SUGCT: variants seen among roughly 807,000 people sequenced by gnomAD.
SUGCT encodes the protein succinyl-CoA:glutarate CoA-transferase.
SUGCT carries 41 observed loss-of-function variants against 55.0 expected under a neutral mutation model. The ratio of observed to expected loss-of-function variants is 0.74; its 90% confidence interval spans 0.58 to 0.97. SUGCT has a LOEUF of 0.97. Ranked by LOEUF, SUGCT falls within the 50% of genes least tolerant of loss-of-function variation. The pLI is 0.00. For missense variants in SUGCT, 568 were observed against 547.8 expected, an observed-to-expected ratio of 1.04 and a Z score of -0.37; for synonymous variants, 187 against 200.4, an observed-to-expected ratio of 0.93 and a Z score of 0.56.
intron 7 of SUGCT, among the ~76,000 whole-genome samples, chr7:40,271,313 A>G (rs867223644): frequency 1.3e-5 from 2 of 152,228 alleles, no homozygotes; most frequent in African/African-American, 4.8e-5. Context: ...TGTAAAATAT[A>G]TAGGCGGGGG....
At chr7:40,984,462 G>C in the SUGCT span, among the ~76,000 whole-genome samples, 4 of 152,238 alleles carry the variant, frequency 2.6e-5, no homozygotes, top group East Asian at 7.7e-4. Context: ...AAGCCAGACT[G>C]ATCTGCCCCC....
chr7:41,034,310 G>A, the SUGCT span, among the ~76,000 whole-genome samples: 1 of 152,186 alleles, frequency 6.6e-6, no homozygotes, highest in East Asian at 1.9e-4. Flanking sequence ...TAATATCTGT[G>A]TGGTCGAGAG....
intron 12 of SUGCT, among the ~76,000 whole-genome samples, chr7:40,498,535 A>G (rs956495424): frequency 7.2e-5 from 11 of 152,192 alleles, no homozygotes; most frequent in South Asian, 2.1e-4. Flanking sequence ...GACAAGCTCT[A>G]TCTTCAGGGC....
At chr7:40,438,370 G>C (rs1034729556) in intron 9 of SUGCT, among the ~76,000 whole-genome samples, 1 of 152,054 alleles carries the variant, frequency 6.6e-6, no homozygotes, top group Non-Finnish European at 1.5e-5. Context: ...TAGTTTTGTC[G>C]TGTCATCAAA....
the SUGCT span, among the ~76,000 whole-genome samples, chr7:40,926,790 A>C: frequency 6.6e-6 from 1 of 152,216 alleles, no homozygotes; most frequent in Non-Finnish European, 1.5e-5. Flanking sequence ...AACTGTGAGA[A>C]ATAAATGTCT....
rs1301378516 is a variant in SUGCT, at chr7:40,699,303, G to T, written c.1090-50131G>T. Among the ~76,000 whole-genome samples, 3 of 152,228 alleles carry T rather than the reference G, an allele frequency of 2.0e-5. No individual in the cohort carries two copies. In the East Asian group the frequency reaches 5.8e-4, roughly 29 times the overall value. On this transcript the variant is annotated intron_variant, in intron 12 of 13. Transcript: ENST00000335693. ...ACTGGGATGCAGCTCACAGTATGTT[G>T]AAACAAGCTGCTAAGGGGCACAGAG...
intron 1 of SUGCT, among the ~76,000 whole-genome samples, chr7:40,137,311 T>C (rs567805454): frequency 6.6e-6 from 1 of 151,710 alleles, no homozygotes; most frequent in South Asian, 2.1e-4. Flanking sequence ...TATTTCTTTA[T>C]TTTTTGTAGA....
chr7:40,895,430 T>A, the SUGCT span, among the ~76,000 whole-genome samples: 1 of 152,096 alleles, frequency 6.6e-6, no homozygotes. Flanking sequence ...TTTAACTATA[T>A]ATTAATAACA....
chr7:40,815,087 C>T (rs777642833), intron 13 of SUGCT, among the ~76,000 whole-genome samples: 1 of 152,160 alleles, frequency 6.6e-6, no homozygotes, highest in Non-Finnish European at 1.5e-5. Context: ...TATACTTGAT[C>T]CTTGCTTACT....
intron 10 of SUGCT, among the ~76,000 whole-genome samples, chr7:40,450,627 A>G (rs1007244534): frequency 6.6e-6 from 1 of 152,072 alleles, no homozygotes; most frequent in East Asian, 1.9e-4. Flanking sequence ...AATACAAACA[A>G]TTAGCCAGGT....
chr7:40,237,794 A>C, intron 7 of SUGCT, 68 bp downstream of exon 7: 1 of 1,292,102 alleles, frequency 7.7e-7, no homozygotes, highest in Non-Finnish European at 1.1e-6. Context: ...TTTACTCTGC[A>C]CTAACCCATA....
intron 12 of SUGCT, among the ~76,000 whole-genome samples, chr7:40,698,348 G>A (rs948537347): frequency 3.3e-5 from 5 of 152,184 alleles, no homozygotes; most frequent in African/African-American, 9.7e-5. Flanking sequence ...TCAAAAAGAC[G>A]GAGGCTGCTA....
At chr7:40,146,940 ATCTC>A (rs1247491402) in intron 1 of SUGCT, among the ~76,000 whole-genome samples, 1 of 150,202 alleles carries the variant, frequency 6.7e-6, no homozygotes, top group African/African-American at 2.4e-5. Context: ...TACTACTTCT[ATCTC>A]TCTCCTTCTT....
intron 12 of SUGCT, among the ~76,000 whole-genome samples, chr7:40,545,663 G>T (rs546922957): frequency 6.6e-6 from 1 of 152,322 alleles, no homozygotes; most frequent in South Asian, 2.1e-4. Flanking sequence ...TGTGTGTCCA[G>T]GTTCTAAGAG....
chr7:40,426,175 T>A (rs1406651791), intron 9 of SUGCT, among the ~76,000 whole-genome samples: 1 of 152,116 alleles, frequency 6.6e-6, no homozygotes, highest in African/African-American at 2.4e-5. Flanking sequence ...CCAAGCTCAG[T>A]CACCCACAAT....
intron 13 of SUGCT, among the ~76,000 whole-genome samples, chr7:40,843,195 A>G (rs2128791187): frequency 6.6e-6 from 1 of 152,286 alleles, no homozygotes; most frequent in Non-Finnish European, 1.5e-5. Flanking sequence ...GGAAAGTAGC[A>G]GTCAGGGTGG....
chr7:40,401,662 A>G (rs1399977228), intron 9 of SUGCT, among the ~76,000 whole-genome samples: 1 of 152,226 alleles, frequency 6.6e-6, no homozygotes, highest in African/African-American at 2.4e-5. Flanking sequence ...GGGAAAATGC[A>G]CTCACAATGA....
chr7:40,378,787 T>G (rs2151276500), intron 9 of SUGCT, among the ~76,000 whole-genome samples: 1 of 152,318 alleles, frequency 6.6e-6, no homozygotes, highest in South Asian at 2.1e-4. Context: ...TCATACTTTC[T>G]TTAGTTCTTT....
chr7:41,015,598 T>G, the SUGCT span, among the ~76,000 whole-genome samples: 1 of 152,164 alleles, frequency 6.6e-6, no homozygotes, highest in African/African-American at 2.4e-5. Context: ...GAGGTAGAAA[T>G]GAATCAATGT....
Sources: gnomAD v4.1 joint callset for allele counts (sites outside exome capture counted in the v4.1 genomes callset) on GRCh38, gnomAD v4.1.1 for gene constraint, MANE v1.5 for transcripts, NCBI Gene and HGNC (gene_info 2026-07-23, HGNC 2026-07-21) for gene names.